Variants in C11orf54 observed in about 807,000 individuals in gnomAD.
C11orf54 encodes the protein beta-keto L-gulonate decarboxylase.
Under a neutral mutation model 35.5 loss-of-function variants are expected in C11orf54, and 29 were observed. The observed-to-expected ratio is 0.82, with a 90% CI of 0.61 to 1.11. The LOEUF (loss-of-function observed/expected upper bound fraction) is 1.11. Among genes scored for constraint, C11orf54 ranks in the 50% most tolerant of loss-of-function variants. The pLI is 0.00. For missense variants in C11orf54, 373 were observed against 369.2 expected, an observed-to-expected ratio of 1.01 and a Z score of -0.08; for synonymous variants, 108 against 121.1, an observed-to-expected ratio of 0.89 and a Z score of 0.71.
intron 8 of C11orf54, among the ~76,000 whole-genome samples, chr11:93,760,951 G>A (rs879597407): frequency 2.0e-5 from 3 of 152,136 alleles, no homozygotes; most frequent in Non-Finnish European, 2.9e-5. Flanking sequence ...GAGCTACTCC[G>A]CCTACCCTGG....
chr11:93,754,508 C>T (rs1377095722), intron 5 of C11orf54, among the ~76,000 whole-genome samples: 1 of 152,010 alleles, frequency 6.6e-6, no homozygotes, highest in Non-Finnish European at 1.5e-5. Flanking sequence ...TATATTATTA[C>T]CATATGAAAA....
Position 93,747,443 on chromosome 11 carries a change from C to G in C11orf54, c.50C>G (p.Ala17Gly), listed in dbSNP as rs1942535744. 1 of 1,588,590 alleles carries G rather than the reference C, an allele frequency of 6.3e-7. No homozygotes were observed. Among genetic ancestry groups the G allele is most frequent in the Non-Finnish European group, 8.5e-7 (1 of 1,171,070 alleles). The change falls in exon 2 of 9, where the codon GCT becomes GGT. Residue 17 changes from alanine (A) to glycine (G), a missense_variant. Physicochemically the swap from Ala to Gly is moderately conservative, Grantham distance 60. Transcript: ENST00000354421. ...SFHVPSLEEL[A>G]GVMQKGLKDN... Reference sequence around the variant, plus strand: ...CATGTACCAAGTCTTGAAGAGCTTGCTGGAGGTAAAAACAATATTAACTTT... The same window carrying G: ...CATGTACCAAGTCTTGAAGAGCTTGGTGGAGGTAAAAACAATATTAACTTT...
rs941941099 is a variant in C11orf54 at position 93,762,590 on chromosome 11, G to A, written c.*902G>A. 3.3e-5 allele frequency: 5 copies of A among 152,146 alleles called. No individual in the cohort carries two copies. Among genetic ancestry groups the A allele is most frequent in the African/African-American group, 1.2e-4 (5 of 41,434 alleles). 9.4% of individuals were successfully genotyped at this position (152,146 alleles called of 1,614,324 possible). A position where few individuals can be genotyped will look rare whatever the true frequency, so the allele number is the denominator to read the frequency against. On this transcript the variant is annotated 3_prime_UTR_variant, in exon 9 of 9. Coordinates refer to ENST00000354421, the MANE Select transcript of C11orf54 (RefSeq NM_001286069.2). ...AGTTTAAACCAGCCTGGGCACCATG[G>A]TGAGACCCCATCTCTATTATTTAAA...
At chr11:93,761,405 G>A (rs994764790) in intron 8 of C11orf54, 110 bp from the exon 9 acceptor site, 16 of 976,862 alleles carry the variant, frequency 1.6e-5, no homozygotes, top group Non-Finnish European at 2.4e-5. Flanking sequence ...ACATGTGAAT[G>A]TATTACCTAT....
chr11:93,753,155 C>A (rs987400583), intron 3 of C11orf54, among the ~76,000 whole-genome samples: 30 of 151,948 alleles, frequency 2.0e-4, no homozygotes, highest in African/African-American at 7.3e-4. Flanking sequence ...GCTAATTTTT[C>A]TATTTTTAGT....
chr11:93,761,196 T>G (rs554461893), intron 8 of C11orf54, among the ~76,000 whole-genome samples: 2 of 152,268 alleles, frequency 1.3e-5, no homozygotes, highest in Admixed American at 1.3e-4. Context: ...AACTATATTG[T>G]TACATGAAAA....
rs556371918 is a variant in C11orf54 at position 93,756,461 on chromosome 11, C to T, written c.508-855C>T. Among the ~76,000 whole-genome samples the T allele has an allele frequency of 2.1e-3, 319 of 149,038 alleles. 4 individuals carry two copies. Among genetic ancestry groups the T allele is most frequent in the African/African-American group, 7.5e-3 (306 of 40,612 alleles). ...CGAGCTATGATCACACCACTGCACT[C>T]CTACCTAGGTGACAGCAAGACCTGT... On this transcript the variant is annotated intron_variant, in intron 6 of 8. Transcript: ENST00000354421.
intron 7 of C11orf54, among the ~76,000 whole-genome samples, chr11:93,759,107 C>T (rs1372259912): frequency 6.6e-6 from 1 of 152,192 alleles, no homozygotes; most frequent in Non-Finnish European, 1.5e-5. Flanking sequence ...GTGGTGATTC[C>T]TCAAGGATCT....
At chr11:93,750,564 C>A in intron 3 of C11orf54, 120 bp downstream of exon 3, 1 of 742,690 alleles carries the variant, frequency 1.3e-6, no homozygotes. Context: ...AACATTTAGG[C>A]TAAATTGTGC....
chr11:93,749,260 T>G (rs1278321398), intron 2 of C11orf54, among the ~76,000 whole-genome samples: 1 of 151,556 alleles, frequency 6.6e-6, no homozygotes, highest in African/African-American at 2.4e-5. Flanking sequence ...GGTGAGCAGA[T>G]CTCTTAAGCC....
intron 6 of C11orf54, among the ~76,000 whole-genome samples, 168 bp from the exon 7 acceptor site, chr11:93,757,148 A>G (rs938640146): frequency 6.6e-6 from 1 of 152,098 alleles, no homozygotes; most frequent in East Asian, 1.9e-4. Context: ...GTGCATACAT[A>G]TATATATGAC....
At chr11:93,752,929 G>A (rs1942923467) in intron 3 of C11orf54, among the ~76,000 whole-genome samples, 2 of 151,850 alleles carry the variant, frequency 1.3e-5, no homozygotes, top group Non-Finnish European at 2.9e-5. Context: ...TGTATTTTTG[G>A]TAAAGATGGG....
intron 2 of C11orf54, among the ~76,000 whole-genome samples, chr11:93,749,060 C>T (rs561156275): frequency 6.1e-5 from 9 of 148,454 alleles, no homozygotes; most frequent in Non-Finnish European, 1.0e-4. Flanking sequence ...AGGAGAATGG[C>T]GTGAACCTGG....
chr11:93,744,606 T>A (rs1942341070), intron 1 of C11orf54, among the ~76,000 whole-genome samples: 2 of 152,216 alleles, frequency 1.3e-5, no homozygotes, highest in Non-Finnish European at 2.9e-5. Flanking sequence ...TAGGAATTAT[T>A]TGTATGTAAT....
chr11:93,756,312 CAAA>C (rs35695203), intron 6 of C11orf54, among the ~76,000 whole-genome samples: 2 of 119,834 alleles, frequency 1.7e-5, no homozygotes, highest in Non-Finnish European at 3.4e-5. Flanking sequence ...AAGACCCTGT[CAAA>C]AAAAAAAAAA....
At chr11:93,760,314 C>T (rs976636590) in intron 8 of C11orf54, among the ~76,000 whole-genome samples, 1 of 152,162 alleles carries the variant, frequency 6.6e-6, no homozygotes, top group African/African-American at 2.4e-5. Flanking sequence ...AGCTCTTCAC[C>T]ATCCTATGAG....
chr11:93,742,214 T>C (rs1213434769), intron 1 of C11orf54: 1 of 152,458 alleles, frequency 6.6e-6, no homozygotes, highest in Admixed American at 6.5e-5. Context: ...ATTAGTTCCT[T>C]GACCGGTTCC....
rs767402469 is a variant in C11orf54 at position 93,747,283 on chromosome 11, A to G, written c.-97-14A>G. On this transcript the variant is annotated splice_polypyrimidine_tract_variant and intron_variant, in intron 1 of 8. Coordinates refer to ENST00000354421, the MANE Select transcript of C11orf54 (RefSeq NM_001286069.2). ...TTCTGTTTATATGTTTGAATGCTCA[A>G]TGTTCATTTCCAGAACAGAAACTGT... is the stretch of plus-strand genomic sequence containing the variant. 32 of 732,072 alleles carry G rather than the reference A, an allele frequency of 4.4e-5. No homozygotes were observed. Among genetic ancestry groups the G allele is most frequent in the African/African-American group, 2.4e-4 (13 of 54,730 alleles). 45.3% of individuals were successfully genotyped at this position (732,072 alleles called of 1,614,324 possible).
Position 93,761,509 on chromosome 11 carries a change from T to C in C11orf54, c.775-6T>C. 6.2e-7 allele frequency: 1 copy of C among 1,601,232 alleles called. No individual in the cohort carries two copies. The highest frequency in any genetic ancestry group is 8.5e-7 in the Non-Finnish European group (1 of 1,174,578). On this transcript the variant is annotated splice_region_variant and splice_polypyrimidine_tract_variant and intron_variant, in intron 8 of 8. Coordinates refer to ENST00000354421, the MANE Select transcript of C11orf54 (RefSeq NM_001286069.2). ...GTACTAACATATTGTTTGTCTGTTA[T>C]CTTAGGGGTTTGATTTGCGACTGGA...
Sources: gnomAD v4.1 joint callset for allele counts (sites outside exome capture counted in the v4.1 genomes callset) on GRCh38, gnomAD v4.1.1 for gene constraint, MANE v1.5 for transcripts, NCBI Gene and HGNC (gene_info 2026-07-23, HGNC 2026-07-21) for gene names.